Variants in GNE observed in about 807,000 individuals in gnomAD.
GNE encodes the protein glucosamine (UDP-N-acetyl)-2-epimerase/N-acetylmannosamine kinase, also known as bifunctional UDP-N-acetylglucosamine 2-epimerase/N-acetylmannosamine kinase.
GNE carries 41 observed loss-of-function variants against 61.8 expected under a neutral mutation model. The observed-to-expected ratio is 0.66, with a 90% CI of 0.52 to 0.86. GNE has a LOEUF of 0.86. Among genes scored for constraint, GNE ranks in the 40% least tolerant of loss-of-function variants. The pLI, the probability that GNE is intolerant of heterozygous loss-of-function variation, is 0.00. For synonymous variants in GNE, 264 were observed against 326.4 expected (o/e 0.81, Z 2.06); for missense variants, 608 against 909.1 (o/e 0.67, Z 4.26).
chr9:36,218,103 G>T lies in GNE; in HGVS notation c.1933+80C>A, dbSNP rs1828412322. 1 of 918,700 alleles carries T rather than the reference G, an allele frequency of 1.1e-6. No individual in the cohort carries two copies. The highest frequency in any genetic ancestry group is 1.8e-6 in the Non-Finnish European group (1 of 546,252). The allele number at this position is 918,700 out of a possible 1,614,324, so 56.9% of individuals were successfully genotyped here. ...AAGCACCTGTCCCTAGGGAAGCAGG[G>T]TCTCTTCTGGGGCCGGGCTGGGCCA... On this transcript the variant is annotated intron_variant, in intron 11 of 11. Transcript: ENST00000642385. The surrounding 1 kb of genome is among the most constrained non-coding windows in gnomAD (Gnocchi z 4.1).
upstream of GNE, among the ~76,000 whole-genome samples, chr9:36,258,664 C>G (rs1359823165): frequency 6.6e-6 from 1 of 152,236 alleles, no homozygotes; most frequent in African/African-American, 2.4e-5. Flanking sequence ...GGAGCTGCTG[C>G]GGGGCTGTCC....
intron 1 of GNE, among the ~76,000 whole-genome samples, chr9:36,272,552 C>T (rs1038508702): frequency 7.6e-6 from 1 of 131,718 alleles, no homozygotes; most frequent in African/African-American, 2.9e-5. Flanking sequence ...ACCCGGGAGG[C>T]GGAGCTTGCA....
At chr9:36,245,335 T>C (rs1829824776) in intron 3 of GNE, among the ~76,000 whole-genome samples, 1 of 151,724 alleles carries the variant, frequency 6.6e-6, no homozygotes, top group Non-Finnish European at 1.5e-5. Flanking sequence ...ATAAATATAA[T>C]AAATGACTTG....
chr9:36,230,522 C>T (rs957748524), intron 5 of GNE, among the ~76,000 whole-genome samples: 1 of 151,450 alleles, frequency 6.6e-6, no homozygotes, highest in African/African-American at 2.4e-5. Flanking sequence ...TGTAGTGGCA[C>T]GATCATAGCT....
chr9:36,223,529 CT>C (rs1324983207), intron 7 of GNE, 27 bp from the exon 8 acceptor site: 1 of 1,584,596 alleles, frequency 6.3e-7, no homozygotes, highest in Admixed American at 1.7e-5. Context: ...CAAGTTCCGT[CT>C]TACTGGTCTT....
At chr9:36,266,500 G>A (rs950147583) in intron 1 of GNE, among the ~76,000 whole-genome samples, 49 of 152,242 alleles carry the variant, frequency 3.2e-4, no homozygotes, top group Admixed American at 2.6e-4. Flanking sequence ...GAGGCCAGGA[G>A]TAGTGGCTCA....
Position 36,218,429 on chromosome 9 carries a change from G to A in GNE, c.1817-130C>T, listed in dbSNP as rs534209518. The A allele has an allele frequency of 5.3e-4, 382 of 720,508 alleles. No homozygotes were observed. The highest frequency in any genetic ancestry group is 3.8e-3 in the South Asian group (263 of 68,378). The allele number at this position is 720,508 out of a possible 1,614,324, so 44.6% of individuals were successfully genotyped here. A position where few individuals can be genotyped will look rare whatever the true frequency, so the allele number is the denominator to read the frequency against. On this transcript the variant is annotated intron_variant, in intron 10 of 11. Coordinates refer to ENST00000642385, the MANE Select transcript of GNE (RefSeq NM_005476.7). The surrounding 1 kb of genome is among the most constrained non-coding windows in gnomAD (Gnocchi z 4.1). Reference sequence around the variant, plus strand: ...TCTTTTCACAATTGCAAAGCTTATCGTTCACAAACATCTCTATACACTGCC... The same window carrying A: ...TCTTTTCACAATTGCAAAGCTTATCATTCACAAACATCTCTATACACTGCC...
At chr9:36,228,203 T>G (rs1828981764) in intron 6 of GNE, among the ~76,000 whole-genome samples, 4 of 151,806 alleles carry the variant, frequency 2.6e-5, no homozygotes, top group African/African-American at 9.7e-5. Flanking sequence ...CTAAAAAAAT[T>G]TTATATAAAA....
chr9:36,258,516 G>A, upstream of GNE: 1 of 985,496 alleles, frequency 1.0e-6, no homozygotes. Context: ...TGCCGAATCC[G>A]CGATCGCGCC....
chr9:36,232,535 C>T (rs758465015), intron 5 of GNE, among the ~76,000 whole-genome samples: 1 of 152,160 alleles, frequency 6.6e-6, no homozygotes, highest in Non-Finnish European at 1.5e-5. Flanking sequence ...GCCACAATAG[C>T]GCTTCCATTT....
chr9:36,241,189 C>T (rs1395508192), intron 3 of GNE, among the ~76,000 whole-genome samples: 2 of 151,862 alleles, frequency 1.3e-5, no homozygotes, highest in Admixed American at 6.6e-5. Context: ...GATCTTGGCT[C>T]ACTACAACCT....
intron 1 of GNE, among the ~76,000 whole-genome samples, chr9:36,270,424 G>A (rs1331455964): frequency 2.0e-5 from 3 of 151,750 alleles, no homozygotes; most frequent in Non-Finnish European, 4.4e-5. Context: ...CAAGAAAATC[G>A]GGCATCAAAG....
chr9:36,221,442 G>T (rs1055103869), intron 9 of GNE, among the ~76,000 whole-genome samples: 1 of 152,118 alleles, frequency 6.6e-6, no homozygotes, highest in African/African-American at 2.4e-5. Flanking sequence ...AGCTAAGTCT[G>T]TTTCCTCATT....
intron 5 of GNE, among the ~76,000 whole-genome samples, chr9:36,230,619 C>A (rs537666618): frequency 3.3e-5 from 5 of 151,930 alleles, no homozygotes; most frequent in African/African-American, 1.2e-4. Context: ...ACCAGGTCCA[C>A]CTAATTTTAA....
chr9:36,255,114 A>G (rs1830279385), intron 1 of GNE, among the ~76,000 whole-genome samples: 1 of 152,258 alleles, frequency 6.6e-6, no homozygotes, highest in African/African-American at 2.4e-5. Context: ...ACTGGTAAGT[A>G]CGAGGCATTT....
intron 7 of GNE, among the ~76,000 whole-genome samples, chr9:36,224,494 A>G (rs989796318): frequency 6.6e-6 from 1 of 152,096 alleles, no homozygotes; most frequent in Admixed American, 6.5e-5. Context: ...CATCTCCTGT[A>G]ACTGAATTCA....
chr9:36,257,801 T>TAAAAAAAA (rs1563955404), intron 1 of GNE, among the ~76,000 whole-genome samples: 3 of 5,362 alleles, frequency 5.6e-4, no homozygotes, highest in African/African-American at 2.1e-3. Context: ...AGACTCAGTC[T>TAAAAAAAA]CAAAAAAAAA....
At position 36,246,401 on chromosome 9, in the gene GNE, T is replaced by G; in HGVS notation, c.246A>C (p.Ala82=). The stretch of plus-strand genomic sequence containing the variant: ...CCAGGCCTACTGACTCCACCATGGC[T>G]GCCTCATCTTCTCCCCTCACAATTG... ...LHTIVRGEDE[A]AMVESVGLAL... The change falls in exon 3 of 12, where the codon GCA becomes GCC. Residue 82 remains alanine, a synonymous_variant. Coordinates refer to ENST00000642385, the MANE Select transcript of GNE (RefSeq NM_005476.7). 6.2e-7 allele frequency: 1 copy of G among 1,613,892 alleles called. No homozygotes were observed. Among genetic ancestry groups the G allele is most frequent in the Non-Finnish European group, 8.5e-7 (1 of 1,179,808 alleles).
Position 36,215,813 on chromosome 9 carries a change from T to C in GNE, c.*1552A>G, listed in dbSNP as rs1254216028. The stretch of plus-strand genomic sequence containing the variant: ...ACGAATCATGTAGACAGAATCCTGA[T>C]TCATGGCTCTGGGCTCTAGGTAAAA... On this transcript the variant is annotated 3_prime_UTR_variant, in exon 12 of 12. Coordinates refer to ENST00000642385, the MANE Select transcript of GNE (RefSeq NM_005476.7). The C allele has an allele frequency of 6.6e-6, 1 of 152,472 alleles. No individual in the cohort carries two copies. The highest frequency in any genetic ancestry group is 1.5e-5 in the Non-Finnish European group (1 of 68,236). 9.4% of individuals were successfully genotyped at this position (152,472 alleles called of 1,614,324 possible). A position where few individuals can be genotyped will look rare whatever the true frequency, so the allele number is the denominator to read the frequency against.
Sources: allele counts gnomAD v4.1 joint callset (sites outside exome capture counted in the v4.1 genomes callset), GRCh38; gene constraint gnomAD v4.1.1; non-coding constraint Gnocchi (gnomAD v3.1); transcripts MANE v1.5; gene names NCBI Gene and HGNC (gene_info 2026-07-23, HGNC 2026-07-21).